EPHA3: variants seen among roughly 807,000 people sequenced by gnomAD.
EPHA3 encodes EPH receptor A3, also known as ephrin type-A receptor 3.
In EPHA3, 42 loss-of-function variants were observed where a neutral mutation model predicts 107.1. The ratio of observed to expected loss-of-function variants is 0.39; its 90% CI spans 0.31 to 0.51. The LOEUF is 0.51. EPHA3 is among the 20% of genes least tolerant of loss of function. The pLI, the probability that EPHA3 is intolerant of heterozygous loss-of-function variation, is 0.78. For synonymous variants in EPHA3, 461 were observed against 424.8 expected, an observed-to-expected ratio of 1.09 and a Z score of -1.05; for missense variants, 1,183 against 1,211.2, an observed-to-expected ratio of 0.98 and a Z score of 0.35.
intron 5 of EPHA3, among the ~76,000 whole-genome samples, chr3:89,356,115 A>T (rs1341399131): frequency 6.7e-6 from 1 of 150,314 alleles, no homozygotes; most frequent in African/African-American, 2.4e-5. Flanking sequence ...TAGTTTACTG[A>T]GAATGATGAT....
intron 10 of EPHA3, among the ~76,000 whole-genome samples, chr3:89,416,228 A>C (rs1309495381): frequency 2.6e-5 from 4 of 151,396 alleles, no homozygotes; most frequent in Non-Finnish European, 5.9e-5. Flanking sequence ...CCCCATTCTT[A>C]TAAATATACC....
At chr3:89,219,706 T>TG (rs1203181444) in intron 3 of EPHA3, among the ~76,000 whole-genome samples, 11 of 21,610 alleles carry the variant, frequency 5.1e-4, no homozygotes, top group Non-Finnish European at 8.7e-4. Flanking sequence ...TTTTTTTGTT[T>TG]TTTGTTTTTT....
chr3:89,206,743 A>G (rs527752874), intron 2 of EPHA3, among the ~76,000 whole-genome samples: 45 of 152,312 alleles, frequency 3.0e-4, no homozygotes, highest in Non-Finnish European at 1.5e-5. Context: ...AAGAACTGAG[A>G]CGCTCAGTTG....
At chr3:89,143,253 T>A (rs2107021286) in intron 2 of EPHA3, among the ~76,000 whole-genome samples, 1 of 151,600 alleles carries the variant, frequency 6.6e-6, no homozygotes, top group Non-Finnish European at 1.5e-5. Flanking sequence ...ATGTAGCTGG[T>A]CTATAAGCAA....
intron 3 of EPHA3, among the ~76,000 whole-genome samples, chr3:89,277,364 T>C (rs1365777758): frequency 6.6e-6 from 1 of 152,120 alleles, no homozygotes; most frequent in Non-Finnish European, 1.5e-5. Context: ...CTAGCTAACA[T>C]TAAAATGGAT....
intron 15 of EPHA3, among the ~76,000 whole-genome samples, chr3:89,469,692 A>C (rs1287225887): frequency 2.0e-5 from 3 of 152,228 alleles, no homozygotes; most frequent in Non-Finnish European, 1.5e-5. Context: ...CCTAGATGGT[A>C]ATCAATGATT....
chr3:89,344,121 A>C (rs1707591241), intron 5 of EPHA3, among the ~76,000 whole-genome samples: 3 of 152,334 alleles, frequency 2.0e-5, no homozygotes, highest in Middle Eastern at 3.4e-3. Flanking sequence ...TGTTACAATT[A>C]TCTCTTAAGT....
At chr3:89,328,135 A>C in intron 3 of EPHA3, among the ~76,000 whole-genome samples, 1 of 151,998 alleles carries the variant, frequency 6.6e-6, no homozygotes, top group East Asian at 1.9e-4. Context: ...AAAAACTCAA[A>C]TAATTTATGC....
At chr3:89,298,548 G>T (rs917139982) in intron 3 of EPHA3, among the ~76,000 whole-genome samples, 2 of 151,984 alleles carry the variant, frequency 1.3e-5, no homozygotes, top group African/African-American at 4.8e-5. Flanking sequence ...ATTTCATTTT[G>T]TTTCTTATTT....
chr3:89,315,804 G>A (rs948856741), intron 3 of EPHA3, among the ~76,000 whole-genome samples: 2 of 151,788 alleles, frequency 1.3e-5, no homozygotes, highest in African/African-American at 4.8e-5. Flanking sequence ...TTTCAGAAAA[G>A]GGATTTATTC....
chr3:89,231,580 T>C (rs1181656101), intron 3 of EPHA3, among the ~76,000 whole-genome samples: 1 of 152,168 alleles, frequency 6.6e-6, no homozygotes, highest in Admixed American at 6.5e-5. Flanking sequence ...TCAAACATCA[T>C]GCAGATGGAT....
At chr3:89,200,365 C>G (rs1170406862) in intron 2 of EPHA3, among the ~76,000 whole-genome samples, 1 of 152,152 alleles carries the variant, frequency 6.6e-6, no homozygotes, top group Non-Finnish European at 1.5e-5. Flanking sequence ...TTACTATCTT[C>G]ACATGTAGAT....
At chr3:89,155,492 G>A (rs1273154956) in intron 2 of EPHA3, among the ~76,000 whole-genome samples, 1 of 151,960 alleles carries the variant, frequency 6.6e-6, no homozygotes, top group African/African-American at 2.4e-5. Context: ...ATAGATAAAA[G>A]AGTAAACAAA....
At chr3:89,196,301 T>C (rs1024010747) in intron 2 of EPHA3, among the ~76,000 whole-genome samples, 1 of 152,164 alleles carries the variant, frequency 6.6e-6, no homozygotes, top group Admixed American at 6.6e-5. Flanking sequence ...CTGTGTCCTC[T>C]CTCTGGCTTC....
intron 4 of EPHA3, 106 bp from the exon 5 acceptor site, chr3:89,341,649 G>A: frequency 2.2e-6 from 2 of 891,022 alleles, no homozygotes; most frequent in Non-Finnish European, 3.4e-6. Flanking sequence ...TGATAATAAA[G>A]AAAGGATAGT....
chr3:89,366,962 T>A (rs1708196504), intron 5 of EPHA3, among the ~76,000 whole-genome samples: 1 of 150,670 alleles, frequency 6.6e-6, no homozygotes, highest in Non-Finnish European at 1.5e-5. Context: ...CAAACTCTCT[T>A]CTATTTCTAT....
chr3:89,141,362 G>GAGGTA (rs1249205643), intron 2 of EPHA3, among the ~76,000 whole-genome samples: 1 of 151,534 alleles, frequency 6.6e-6, no homozygotes, highest in Non-Finnish European at 1.5e-5. Context: ...ATATGGAAAG[G>GAGGTA]AGGTAATAGA....
intron 5 of EPHA3, among the ~76,000 whole-genome samples, chr3:89,385,634 A>T (rs1439851098): frequency 1.3e-5 from 2 of 152,208 alleles, no homozygotes; most frequent in Non-Finnish European, 2.9e-5. Context: ...GTGTGAGAGA[A>T]GACTAATATA....
intron 5 of EPHA3, among the ~76,000 whole-genome samples, chr3:89,353,623 A>G (rs1707881527): frequency 1.3e-5 from 2 of 151,310 alleles, no homozygotes; most frequent in South Asian, 4.2e-4. Flanking sequence ...CTGTGCAGTG[A>G]TGTGTCATAG....
Sources: gnomAD v4.1 joint callset for allele counts (sites outside exome capture counted in the v4.1 genomes callset) on GRCh38, gnomAD v4.1.1 for gene constraint, MANE v1.5 for transcripts, NCBI Gene and HGNC (gene_info 2026-07-23, HGNC 2026-07-21) for gene names.